ZNF804B: variants seen among roughly 807,000 people sequenced by gnomAD.
ZNF804B encodes zinc finger protein 804B, also known as zinc finger 804B.
ZNF804B carries 80 observed loss-of-function variants against 101.4 expected under a neutral mutation model. That is an observed-to-expected ratio of 0.79 (90% CI 0.66 to 0.95). The LOEUF is 0.95. ZNF804B is among the 40% of genes least tolerant of loss of function. The probability of loss-of-function intolerance (pLI) is 0.00; values close to 1 mark genes in which losing one functional copy is unlikely to be tolerated. For missense variants in ZNF804B, 1,673 were observed against 1,561.9 expected (o/e 1.07, Z -1.20); for synonymous variants, 622 against 558.8 (o/e 1.11, Z -1.59).
chr7:88,903,773 T>A (rs1452737780), intron 1 of ZNF804B, among the ~76,000 whole-genome samples: 1 of 152,176 alleles, frequency 6.6e-6, no homozygotes, highest in Non-Finnish European at 1.5e-5. Flanking sequence ...TATCCGTCCA[T>A]GCCCTTCGCC....
chr7:89,183,129 G>A (rs1475545764), intron 1 of ZNF804B, among the ~76,000 whole-genome samples: 2 of 152,108 alleles, frequency 1.3e-5, no homozygotes, highest in African/African-American at 4.8e-5. Flanking sequence ...ATATAAACAT[G>A]TGGCAATAGG....
intron 2 of ZNF804B, among the ~76,000 whole-genome samples, chr7:89,219,365 T>A (rs889995920): frequency 1.3e-5 from 2 of 149,772 alleles, no homozygotes; most frequent in African/African-American, 5.1e-5. Context: ...AAAGTCAAAG[T>A]TGTTATTTAA....
chr7:88,912,384 A>G (rs1265280588), intron 1 of ZNF804B, among the ~76,000 whole-genome samples: 1 of 152,030 alleles, frequency 6.6e-6, no homozygotes, highest in African/African-American at 2.4e-5. Flanking sequence ...ATTTTCTTAA[A>G]TTCTTAGGTT....
intron 1 of ZNF804B, among the ~76,000 whole-genome samples, chr7:89,189,966 GAATT>G (rs544581137): frequency 4.7e-4 from 71 of 151,976 alleles, no homozygotes; most frequent in Non-Finnish European, 8.2e-4. Flanking sequence ...CTTCTCCAAA[GAATT>G]AATTATTCTA....
intron 1 of ZNF804B, among the ~76,000 whole-genome samples, chr7:89,008,811 A>C (rs1788410281): frequency 1.3e-5 from 2 of 151,872 alleles, no homozygotes; most frequent in African/African-American, 4.8e-5. Context: ...AGACCCTTAC[A>C]CTCTATCTGC....
At chr7:88,760,918 TATATATATAATAA>T (rs1789886327) in intron 1 of ZNF804B, among the ~76,000 whole-genome samples, 2 of 146,770 alleles carry the variant, frequency 1.4e-5, no homozygotes, top group East Asian at 2.0e-4. Flanking sequence ...ATATAATAAA[TATATATATAATAA>T]ATATATATAT....
chr7:89,138,633 A>T (rs1790671727), intron 1 of ZNF804B, among the ~76,000 whole-genome samples: 1 of 152,058 alleles, frequency 6.6e-6, no homozygotes, highest in Non-Finnish European at 1.5e-5. Context: ...AGATGAAATA[A>T]TATGGTTTGG....
intron 2 of ZNF804B, among the ~76,000 whole-genome samples, chr7:89,248,022 T>C (rs1789477552): frequency 6.6e-6 from 1 of 152,244 alleles, no homozygotes; most frequent in South Asian, 2.1e-4. Flanking sequence ...CAGACTGGTC[T>C]TTTGGAGTAA....
chr7:88,763,776 T>C (rs1028263778), intron 1 of ZNF804B, among the ~76,000 whole-genome samples: 1 of 152,102 alleles, frequency 6.6e-6, no homozygotes, highest in African/African-American at 2.4e-5. Context: ...GATAGATAGA[T>C]AGATAGATAC....
intron 1 of ZNF804B, among the ~76,000 whole-genome samples, chr7:88,805,463 A>T (rs1439564075): frequency 6.6e-6 from 1 of 152,166 alleles, no homozygotes; most frequent in Non-Finnish European, 1.5e-5. Flanking sequence ...CCCAGCATCT[A>T]TTAAATTTAA....
At chr7:89,171,303 T>G (rs369649431) in intron 1 of ZNF804B, among the ~76,000 whole-genome samples, 1,477 of 95,310 alleles carry the variant, frequency 0.015, 31 homozygotes, top group African/African-American at 0.039. Context: ...TTCTTCTTCT[T>G]CTTCTTCTTC....
chr7:89,002,030 A>C (rs1364679616), intron 1 of ZNF804B, among the ~76,000 whole-genome samples: 6 of 151,492 alleles, frequency 4.0e-5, no homozygotes, highest in Non-Finnish European at 7.4e-5. Flanking sequence ...TAAATGCCCA[A>C]CTCATTTAAT....
At chr7:88,943,986 T>C (rs898212422) in intron 1 of ZNF804B, among the ~76,000 whole-genome samples, 1 of 151,864 alleles carries the variant, frequency 6.6e-6, no homozygotes, top group South Asian at 2.1e-4. Context: ...TGTATAAAAA[T>C]TTATCCATTT....
At position 89,337,323 on chromosome 7, in the gene ZNF804B, G is replaced by A. The variant is rs944884726; in HGVS notation, c.*291G>A. Among the ~76,000 whole-genome samples the A allele has an allele frequency of 6.6e-5, 10 of 151,960 alleles. No homozygotes were observed. The highest frequency in any genetic ancestry group is 2.4e-4 in the African/African-American group (10 of 41,394). ...GGTTCTCGCATAATGTTATAAAATA[G>A]CAACAGAAAACATTCAAGCAGAGCA... is the stretch of plus-strand genomic sequence containing the variant. On this transcript the variant is annotated 3_prime_UTR_variant, in exon 4 of 4. Coordinates refer to ENST00000333190, the MANE Select transcript of ZNF804B (RefSeq NM_181646.5).
At chr7:88,989,017 T>TTTA (rs564613960) in intron 1 of ZNF804B, among the ~76,000 whole-genome samples, 1,805 of 151,456 alleles carry the variant, frequency 0.012, 22 homozygotes, top group Middle Eastern at 0.034. Context: ...CAGGGTTTTA[T>TTTA]TTATTATTAT....
At chr7:89,026,812 T>A (rs1788759471) in intron 1 of ZNF804B, among the ~76,000 whole-genome samples, 1 of 152,224 alleles carries the variant, frequency 6.6e-6, no homozygotes, top group Admixed American at 6.6e-5. Flanking sequence ...GACACGATGA[T>A]TTTAAGATTT....
intron 2 of ZNF804B, among the ~76,000 whole-genome samples, chr7:89,287,567 G>A (rs1356818428): frequency 6.6e-6 from 1 of 152,160 alleles, no homozygotes; most frequent in African/African-American, 2.4e-5. Flanking sequence ...TAAACTATTT[G>A]TTGGGGGCAC....
chr7:89,286,409 G>T (rs1227635176), intron 2 of ZNF804B, among the ~76,000 whole-genome samples: 1 of 152,186 alleles, frequency 6.6e-6, no homozygotes, highest in African/African-American at 2.4e-5. Flanking sequence ...TATAGAAAAA[G>T]CTGTGAAAGC....
At chr7:89,038,133 A>G (rs1174691381) in intron 1 of ZNF804B, among the ~76,000 whole-genome samples, 2 of 152,164 alleles carry the variant, frequency 1.3e-5, no homozygotes, top group African/African-American at 4.8e-5. Context: ...GGTGCAATAA[A>G]CACTGGGGTG....
Sources: gnomAD v4.1 joint callset for allele counts (sites outside exome capture counted in the v4.1 genomes callset) on GRCh38, gnomAD v4.1.1 for gene constraint, MANE v1.5 for transcripts, NCBI Gene and HGNC (gene_info 2026-07-23, HGNC 2026-07-21) for gene names.